TFAP2D: variants seen among roughly 807,000 people sequenced by gnomAD.
TFAP2D encodes transcription factor AP-2-delta.
In TFAP2D, 9 loss-of-function variants were observed where a neutral mutation model predicts 43.6. The observed-to-expected ratio is 0.21, with a 90% CI of 0.12 to 0.36. The LOEUF (loss-of-function observed/expected upper bound fraction) is 0.36, where lower values mean the gene tolerates loss of function less well. Among genes scored for constraint, TFAP2D ranks in the 10% least tolerant of loss-of-function variants. The pLI, the probability that TFAP2D is intolerant of heterozygous loss-of-function variation, is 1.00. For synonymous variants in TFAP2D, 256 were observed against 224.9 expected, an observed-to-expected ratio of 1.14 and a Z score of -1.24; for missense variants, 513 against 561.4, an observed-to-expected ratio of 0.91 and a Z score of 0.87.
chr6:50,723,116 G>T (rs1192851325), intron 3 of TFAP2D, among the ~76,000 whole-genome samples: 1 of 152,216 alleles, frequency 6.6e-6, no homozygotes, highest in Non-Finnish European at 1.5e-5. Flanking sequence ...GCGCTTAGAG[G>T]TGACTGGCAC....
intron 7 of TFAP2D, among the ~76,000 whole-genome samples, chr6:50,756,126 G>A (rs533954360): frequency 6.6e-6 from 1 of 152,010 alleles, no homozygotes; most frequent in African/African-American, 2.4e-5. Flanking sequence ...GCCTCCTAAA[G>A]TGCTGGATTA....
At chr6:50,726,705 T>C (rs1397237273) in intron 3 of TFAP2D, among the ~76,000 whole-genome samples, 3 of 152,192 alleles carry the variant, frequency 2.0e-5, no homozygotes, top group African/African-American at 7.2e-5. Flanking sequence ...TACCTTGCTT[T>C]CCTGTTCATC....
intron 3 of TFAP2D, among the ~76,000 whole-genome samples, chr6:50,723,990 C>G (rs1768769471): frequency 6.6e-6 from 1 of 152,090 alleles, no homozygotes; most frequent in African/African-American, 2.4e-5. Context: ...TAATGTTATA[C>G]CCTCCCCCCA....
chr6:50,772,792 C>G lies in TFAP2D; in HGVS notation c.1287C>G (p.Asn429Lys), dbSNP rs1769553503. ...GAADSGQGHA[N>K]SEKAPLRKTS... is the part of the protein sequence containing the mutation. ...CGGATTCTGGCCAAGGACATGCCAA[C>G]TCGGAGAAAGCTCCCCTGCGGAAAA... The change falls in exon 8 of 8, where the codon AAC (asparagine) becomes AAG (lysine). Residue 429 changes from asparagine (N) to lysine (K), a missense_variant. By Grantham distance (94) the Asn-to-Lys change is moderately conservative (BLOSUM62 0). Around this residue, in one of 3 missense-constraint regions of TFAP2D, gnomAD observed 199 missense variants for 227.9 expected, o/e 0.87. Coordinates refer to ENST00000008391, the MANE Select transcript of TFAP2D (RefSeq NM_172238.4). The G allele has an allele frequency of 6.2e-7, 1 of 1,614,078 alleles. No individual in the cohort carries two copies.
At chr6:50,746,137 A>T (rs1332443827) in intron 6 of TFAP2D, among the ~76,000 whole-genome samples, 1 of 152,150 alleles carries the variant, frequency 6.6e-6, no homozygotes, top group Non-Finnish European at 1.5e-5. Flanking sequence ...ATCTTAAATA[A>T]TTTTTAATTC....
intron 7 of TFAP2D, among the ~76,000 whole-genome samples, chr6:50,757,377 A>C (rs1769288064): frequency 7.4e-6 from 1 of 135,418 alleles, no homozygotes. Context: ...TATAGAATAC[A>C]TGTAATTATT....
intron 3 of TFAP2D, among the ~76,000 whole-genome samples, chr6:50,721,478 G>GT (rs1295700260): frequency 6.6e-6 from 1 of 152,174 alleles, no homozygotes; most frequent in African/African-American, 2.4e-5. Flanking sequence ...GCAGGGAAGT[G>GT]TATTCCCAAA....
At chr6:50,714,245 G>T (rs773636396) in intron 1 of TFAP2D, 151 bp downstream of exon 1, 67 of 944,574 alleles carry the variant, frequency 7.1e-5, no homozygotes, top group Non-Finnish European at 8.7e-5. Flanking sequence ...TTCGGGGGAA[G>T]TTAAGGAAGG....
At chr6:50,755,912 T>G (rs2294469) in intron 7 of TFAP2D, among the ~76,000 whole-genome samples, 46,018 of 151,714 alleles carry the variant, frequency 0.3, 7,109 homozygotes, top group East Asian at 0.43. Context: ...GTGAGAGAGG[T>G]TCTCAATCTG....
intron 7 of TFAP2D, among the ~76,000 whole-genome samples, chr6:50,766,511 C>A (rs566079006): frequency 6.6e-6 from 1 of 151,976 alleles, no homozygotes; most frequent in African/African-American, 2.4e-5. Context: ...GCTTTCCATT[C>A]ATTCGTGCCT....
At chr6:50,742,620 A>T (rs898239521) in intron 5 of TFAP2D, among the ~76,000 whole-genome samples, 1 of 140,562 alleles carries the variant, frequency 7.1e-6, no homozygotes, top group African/African-American at 2.5e-5. Context: ...ATAGATAGAT[A>T]GATAGATAGA....
chr6:50,746,702 A>G (rs1465421770), intron 6 of TFAP2D, among the ~76,000 whole-genome samples: 1 of 152,178 alleles, frequency 6.6e-6, no homozygotes, highest in Non-Finnish European at 1.5e-5. Context: ...CTTTTCTACC[A>G]GCTTCTTATG....
rs1208438262 is a variant in TFAP2D at position 50,715,739 on chromosome 6, TCTCTCTCTCTCA to T, written c.537+128_537+139del. On this transcript the variant is annotated intron_variant, in intron 2 of 7. Transcript: ENST00000008391. ...CTCTTCTCCTCTCTCTCTCTCTCTC[TCTCTCTCTCTCA>T]CACACACACACACACACACACACAC... is the stretch of plus-strand genomic sequence containing the variant. The T allele has an allele frequency of 3.1e-3, 2,330 of 753,538 alleles. 7 individuals carry two copies. The highest frequency in any genetic ancestry group is 2.9e-3 in the Non-Finnish European group (1,364 of 477,696). 46.7% of individuals were successfully genotyped at this position (753,538 alleles called of 1,614,324 possible).
Position 50,713,946 on chromosome 6 carries a change from CA to C in TFAP2D, c.-109del, listed in dbSNP as rs2114024664. The C allele has an allele frequency of 7.6e-6, 11 of 1,449,772 alleles. No homozygotes were observed. Among genetic ancestry groups the C allele is most frequent in the Non-Finnish European group, 9.5e-6 (10 of 1,048,102 alleles). The allele number at this position is 1,449,772 out of a possible 1,614,324, so 89.8% of individuals were successfully genotyped here. ...ACAATTTAGATATCTACCTATAGAA[CA>C]TTTTTTTTTTCCTTTAAAAATTGGA... is the stretch of plus-strand genomic sequence containing the variant. On this transcript the variant is annotated 5_prime_UTR_variant, in exon 1 of 8. Transcript: ENST00000008391.
intron 5 of TFAP2D, among the ~76,000 whole-genome samples, chr6:50,744,117 G>C (rs1769091998): frequency 6.6e-6 from 1 of 152,110 alleles, no homozygotes; most frequent in African/African-American, 2.4e-5. Flanking sequence ...TGTCATGGGG[G>C]TTTGGTGTAC....
chr6:50,728,033 A>T (rs1187478311), intron 3 of TFAP2D, among the ~76,000 whole-genome samples: 1 of 152,186 alleles, frequency 6.6e-6, no homozygotes, highest in Non-Finnish European at 1.5e-5. Flanking sequence ...TGGAGCTTGG[A>T]GACAGAAAGC....
intron 5 of TFAP2D, among the ~76,000 whole-genome samples, chr6:50,739,434 G>T (rs1769007282): frequency 6.6e-6 from 1 of 152,122 alleles, no homozygotes; most frequent in Admixed American, 6.6e-5. Context: ...GTATTCCATG[G>T]TGTATATGTG....
At chr6:50,727,649 T>G (rs960050780) in intron 3 of TFAP2D, among the ~76,000 whole-genome samples, 3 of 152,216 alleles carry the variant, frequency 2.0e-5, no homozygotes, top group Non-Finnish European at 4.4e-5. Context: ...CCCATCTACT[T>G]TTTTAAAACC....
At chr6:50,733,337 T>A (rs1475633255) in intron 5 of TFAP2D, among the ~76,000 whole-genome samples, 1 of 152,106 alleles carries the variant, frequency 6.6e-6, no homozygotes, top group Non-Finnish European at 1.5e-5. Flanking sequence ...TTGTATGCTG[T>A]TTTATTACAA....
Sources: allele counts gnomAD v4.1 joint callset (sites outside exome capture counted in the v4.1 genomes callset), GRCh38; gene constraint gnomAD v4.1.1; regional missense constraint gnomAD v4.1.1; transcripts MANE v1.5; gene names NCBI Gene and HGNC (gene_info 2026-07-23, HGNC 2026-07-21).